The following SLC10A7 variants were observed in gnomAD, a reference collection of about 807,000 sequenced individuals.
SLC10A7 encodes sodium/bile acid cotransporter 7.
In SLC10A7, 29 loss-of-function variants were observed where a neutral mutation model predicts 43.2. That is an observed-to-expected ratio of 0.67 (90% CI 0.50 to 0.92). SLC10A7 has a LOEUF of 0.92. SLC10A7 is among the 40% of genes least tolerant of loss of function. The pLI, the probability that SLC10A7 is intolerant of heterozygous loss-of-function variation, is 0.00. For missense variants in SLC10A7, 295 were observed against 403.2 expected (o/e 0.73, Z 2.30); for synonymous variants, 152 against 144.8 (o/e 1.05, Z -0.35).
At chr4:146,442,541 A>C in intron 5 of SLC10A7, 1 of 1,342,602 alleles carries the variant, frequency 7.4e-7, no homozygotes, top group Non-Finnish European at 9.5e-7. Context: ...TAGTGTTTTA[A>C]TTGATTCCTT....
At chr4:146,342,190 A>G (rs1161862093) in intron 5 of SLC10A7, among the ~76,000 whole-genome samples, 4 of 151,792 alleles carry the variant, frequency 2.6e-5, no homozygotes, top group South Asian at 2.1e-4. Context: ...AGCTCTTTCC[A>G]TAAAAGAATA....
intron 4 of SLC10A7, among the ~76,000 whole-genome samples, chr4:146,488,623 C>T (rs1735117817): frequency 6.6e-6 from 1 of 152,180 alleles, no homozygotes; most frequent in Non-Finnish European, 1.5e-5. Context: ...ACCAGATCAA[C>T]CCTATAGAAG....
intron 5 of SLC10A7, among the ~76,000 whole-genome samples, chr4:146,440,656 G>A (rs753770050): frequency 6.6e-6 from 1 of 152,024 alleles, no homozygotes; most frequent in African/African-American, 2.4e-5. Flanking sequence ...CTAGGTTGTT[G>A]TAACTATGGT....
intron 6 of SLC10A7, among the ~76,000 whole-genome samples, chr4:146,322,675 T>C (rs1369151254): frequency 6.6e-6 from 1 of 152,168 alleles, no homozygotes; most frequent in Admixed American, 6.5e-5. Context: ...AGTACCACAA[T>C]AAACATACGT....
intron 5 of SLC10A7, among the ~76,000 whole-genome samples, chr4:146,433,139 A>G (rs1358779419): frequency 1.3e-5 from 2 of 150,796 alleles, no homozygotes; most frequent in Admixed American, 1.3e-4. Context: ...TTTTTGCAAG[A>G]TATATAACAT....
intron 5 of SLC10A7, among the ~76,000 whole-genome samples, chr4:146,405,156 G>T (rs1370000393): frequency 6.6e-6 from 1 of 152,090 alleles, no homozygotes; most frequent in Non-Finnish European, 1.5e-5. Flanking sequence ...TTTTGCCTCT[G>T]TTTAGTGGCT....
intron 5 of SLC10A7, among the ~76,000 whole-genome samples, chr4:146,370,979 T>A (rs1483514474): frequency 6.6e-6 from 1 of 152,180 alleles, no homozygotes; most frequent in African/African-American, 2.4e-5. Flanking sequence ...CCATAAAAAT[T>A]CCCCAGATCT....
At chr4:146,280,245 C>T (rs1204749736) in intron 10 of SLC10A7, among the ~76,000 whole-genome samples, 1 of 152,144 alleles carries the variant, frequency 6.6e-6, no homozygotes, top group Non-Finnish European at 1.5e-5. Context: ...TGGAAAGATG[C>T]ATTTTTAAAG....
At position 146,357,074 on chromosome 4, in the gene SLC10A7, G is replaced by A. The variant is rs985164654; in HGVS notation, c.436-31078C>T. ...CTCAATGAAAGAGGAGGAGAGGTAC[G>A]TCACCCATGAAGAAAAAAGAAAGAA... On this transcript the variant is annotated intron_variant, in intron 5 of 11. Coordinates refer to ENST00000335472, the MANE Select transcript of SLC10A7 (RefSeq NM_001029998.6). Among the ~76,000 whole-genome samples the A allele has an allele frequency of 5.7e-4, 86 of 152,076 alleles. 1 individual carries two copies. Among genetic ancestry groups the A allele is most frequent in the Admixed American group, 4.4e-3 (67 of 15,260 alleles).
In SLC10A7 at chr4:146,451,185, G is replaced by A. The variant is rs559161198; in HGVS notation, c.397-8364C>T. On this transcript the variant is annotated intron_variant, in intron 4 of 11. Transcript: ENST00000335472. ...AAGGAGAAGCTAAAATAGAAAACCC[G>A]AACAGACCAACAGCGAGTAACAAGG... Among the ~76,000 whole-genome samples the A allele has an allele frequency of 1.1e-4, 12 of 106,768 alleles. No homozygotes were observed. The South Asian group carries it at 2.0e-3, about 18-fold the overall frequency. 70.0% of individuals were successfully genotyped at this position (106,768 alleles called of 152,430 possible).
chr4:146,297,447 G>C (rs981307892), intron 7 of SLC10A7, among the ~76,000 whole-genome samples: 7 of 152,114 alleles, frequency 4.6e-5, no homozygotes. Flanking sequence ...TTGATTCACT[G>C]AGATAGATAT....
chr4:146,347,839 C>T (rs561220570), intron 5 of SLC10A7, among the ~76,000 whole-genome samples: 27 of 152,122 alleles, frequency 1.8e-4, no homozygotes, highest in South Asian at 8.3e-4. Context: ...ACACTTGATT[C>T]TATCTACTTT....
intron 5 of SLC10A7, among the ~76,000 whole-genome samples, chr4:146,381,940 G>T (rs1579044715): frequency 6.6e-6 from 1 of 151,954 alleles, no homozygotes; most frequent in South Asian, 2.1e-4. Flanking sequence ...AGAAGCATTT[G>T]CAGTATCAAT....
chr4:146,499,851 G>A (rs1736236079), intron 4 of SLC10A7, among the ~76,000 whole-genome samples: 1 of 152,086 alleles, frequency 6.6e-6, no homozygotes, highest in African/African-American at 2.4e-5. Context: ...ATCTATTGAG[G>A]GAATAAACAT....
chr4:146,319,198 T>A (rs1732527243), intron 6 of SLC10A7, among the ~76,000 whole-genome samples: 1 of 152,096 alleles, frequency 6.6e-6, no homozygotes, highest in Admixed American at 6.6e-5. Flanking sequence ...GTCTCTGACA[T>A]CATCTTAATT....
At chr4:146,326,081 G>T in intron 5 of SLC10A7, 85 bp from the exon 6 acceptor site, 1 of 1,184,960 alleles carries the variant, frequency 8.4e-7, no homozygotes, top group Non-Finnish European at 1.2e-6. Flanking sequence ...TGAGGCATAG[G>T]AGTGCTTATC....
chr4:146,497,666 C>G lies in SLC10A7; in HGVS notation c.396+6183G>C, dbSNP rs575162997. On this transcript the variant is annotated intron_variant, in intron 4 of 11. Transcript: ENST00000335472. Reference sequence around the variant, plus strand: ...GACAATGCCTCTTTCCCAAACCCTACCTTTCTTGCTTTTTCACTAAATACC... The same window carrying G: ...GACAATGCCTCTTTCCCAAACCCTAGCTTTCTTGCTTTTTCACTAAATACC... Among the ~76,000 whole-genome samples, 3 of 152,270 alleles carry G rather than the reference C, an allele frequency of 2.0e-5. No homozygotes were observed. The South Asian group carries it at 6.2e-4, about 32-fold the overall frequency.
intron 7 of SLC10A7, among the ~76,000 whole-genome samples, chr4:146,303,530 A>G (rs982316426): frequency 6.6e-6 from 1 of 151,808 alleles, no homozygotes; most frequent in African/African-American, 2.4e-5. Context: ...GGCACCCACC[A>G]CCACACCCAG....
intron 2 of SLC10A7, among the ~76,000 whole-genome samples, chr4:146,510,790 C>A (rs1737389718): frequency 6.6e-6 from 1 of 152,176 alleles, no homozygotes; most frequent in African/African-American, 2.4e-5. Context: ...TAATTAACCT[C>A]TATTCATTGC....
Sources: allele counts gnomAD v4.1 joint callset (sites outside exome capture counted in the v4.1 genomes callset), GRCh38; gene constraint gnomAD v4.1.1; transcripts MANE v1.5; gene names NCBI Gene and HGNC (gene_info 2026-07-23, HGNC 2026-07-21).